NUP93: variants seen among roughly 807,000 people sequenced by gnomAD.
The protein encoded by NUP93 is nucleoporin 93.
NUP93 carries 55 observed loss-of-function variants against 107.8 expected under a neutral mutation model. The ratio of observed to expected loss-of-function variants is 0.51; its 90% CI spans 0.41 to 0.64. The LOEUF (loss-of-function observed/expected upper bound fraction) is 0.64. Ranked by LOEUF, NUP93 falls within the 30% of genes least tolerant of loss-of-function variation. NUP93 has a pLI of 0.00. For synonymous variants in NUP93, 390 were observed against 397.5 expected (o/e 0.98, Z 0.22); for missense variants, 937 against 1,044.7 (o/e 0.90, Z 1.42).
rs1963801849 is a variant in NUP93, at chr16:56,832,007, G to A, written c.1251G>A (p.Lys417=). ...ADKTEDYLWL[K]LNQVCFDDDG... is the part of the protein sequence containing the mutation. ...AAACTGAGGATTACCTGTGGCTGAA[G>A]GTAGGCACTGTTTCCCCTGCCCACA... Residue 417 remains lysine (K), a splice_region_variant and synonymous_variant, in exon 11 of 22, where the codon AAG becomes AAA. Transcript: ENST00000308159. 6.2e-7 allele frequency: 1 copy of A among 1,614,016 alleles called. No homozygotes were observed. The highest frequency in any genetic ancestry group is 8.5e-7 in the Non-Finnish European group (1 of 1,179,970).
At chr16:56,759,547 A>G (rs547247240) in intron 3 of NUP93, among the ~76,000 whole-genome samples, 42 of 152,322 alleles carry the variant, frequency 2.8e-4, no homozygotes, top group African/African-American at 1.0e-3. Flanking sequence ...AGAACTATAG[A>G]TATTTTTCCT....
At chr16:56,844,406 G>A (rs1471060757) in intron 21 of NUP93, 93 bp from the exon 22 acceptor site, 2 of 660,686 alleles carry the variant, frequency 3.0e-6, no homozygotes, top group Non-Finnish European at 4.6e-6. Context: ...GGTAGAGGAT[G>A]GAAGAACATG....
At chr16:56,747,359 A>G (rs754181962) in intron 1 of NUP93, among the ~76,000 whole-genome samples, 6 of 152,162 alleles carry the variant, frequency 3.9e-5, no homozygotes, top group Non-Finnish European at 7.4e-5. Flanking sequence ...GGAGTTAAAA[A>G]CATTCTCTTG....
chr16:56,791,930 C>T (rs1295491939), intron 3 of NUP93, among the ~76,000 whole-genome samples: 1 of 152,198 alleles, frequency 6.6e-6, no homozygotes, highest in Non-Finnish European at 1.5e-5. Flanking sequence ...GACTGTGACT[C>T]ATACACACAT....
At chr16:56,796,488 T>G (rs149818023) in intron 3 of NUP93, among the ~76,000 whole-genome samples, 1 of 152,350 alleles carries the variant, frequency 6.6e-6, no homozygotes, top group African/African-American at 2.4e-5. Context: ...TTTCTCTGAA[T>G]GTATCCCTGT....
chr16:56,808,817 AATAC>A (rs1247787252), intron 5 of NUP93, among the ~76,000 whole-genome samples: 2 of 143,668 alleles, frequency 1.4e-5, no homozygotes, highest in African/African-American at 2.5e-5. Context: ...TATAAATATA[AATAC>A]ATATATAAAT....
At chr16:56,817,151 T>A (rs1383200787) in intron 5 of NUP93, among the ~76,000 whole-genome samples, 1 of 152,198 alleles carries the variant, frequency 6.6e-6, no homozygotes, top group Non-Finnish European at 1.5e-5. Context: ...AGATCAGAGC[T>A]GAGGGGACCT....
chr16:56,830,441 GGA>G (rs1963757123), intron 9 of NUP93, 85 bp from the exon 10 acceptor site: 7 of 1,283,996 alleles, frequency 5.5e-6, no homozygotes, highest in Non-Finnish European at 7.4e-6. Flanking sequence ...ATATTATAAA[GGA>G]GAGGGGCTTA....
intron 3 of NUP93, among the ~76,000 whole-genome samples, chr16:56,760,768 T>C (rs1278012806): frequency 6.6e-6 from 1 of 152,130 alleles, no homozygotes; most frequent in African/African-American, 2.4e-5. Flanking sequence ...GTATTCAAAC[T>C]ACGTTACTCT....
intron 3 of NUP93, among the ~76,000 whole-genome samples, chr16:56,777,301 A>C (rs1336800849): frequency 6.6e-6 from 1 of 152,124 alleles, no homozygotes; most frequent in African/African-American, 2.4e-5. Flanking sequence ...TATCTGGCCC[A>C]CTTATAAACC....
chr16:56,844,654 T>C lies in NUP93; in HGVS notation c.*45T>C. 1 of 1,285,196 alleles carries C rather than the reference T, an allele frequency of 7.8e-7. No individual in the cohort carries two copies. Among genetic ancestry groups the C allele is most frequent in the Non-Finnish European group, 1.1e-6 (1 of 914,726 alleles). The allele number at this position is 1,285,196 out of a possible 1,614,324, so 79.6% of individuals were successfully genotyped here. A position where few individuals can be genotyped will look rare whatever the true frequency, so the allele number is the denominator to read the frequency against. ...TCTGGGTCGGCACACTGTCAGTACATCAGGCACATGGGCCCACTAGGCTGG... is the reference window on the plus strand; with the variant it reads ...TCTGGGTCGGCACACTGTCAGTACACCAGGCACATGGGCCCACTAGGCTGG... On this transcript the variant is annotated 3_prime_UTR_variant, in exon 22 of 22. Transcript: ENST00000308159.
intron 3 of NUP93, among the ~76,000 whole-genome samples, chr16:56,771,410 T>C (rs1223835078): frequency 1.3e-5 from 2 of 152,158 alleles, no homozygotes; most frequent in Non-Finnish European, 2.9e-5. Flanking sequence ...TCTTATGCCT[T>C]GCTGAGGAAG....
At chr16:56,779,727 A>C (rs1421209170) in intron 3 of NUP93, among the ~76,000 whole-genome samples, 1 of 152,148 alleles carries the variant, frequency 6.6e-6, no homozygotes, top group Non-Finnish European at 1.5e-5. Flanking sequence ...GCTGATTTAG[A>C]ATTTATTCTA....
At chr16:56,769,414 G>C (rs978149435) in intron 3 of NUP93, among the ~76,000 whole-genome samples, 1 of 152,114 alleles carries the variant, frequency 6.6e-6, no homozygotes, top group East Asian at 1.9e-4. Flanking sequence ...GAACTCTTGC[G>C]GAGCGTTGGG....
intron 1 of NUP93, among the ~76,000 whole-genome samples, chr16:56,732,015 C>G (rs1162654149): frequency 2.0e-5 from 3 of 152,178 alleles, no homozygotes; most frequent in Admixed American, 6.5e-5. Flanking sequence ...GTCTCATTTT[C>G]TGCTCCCTCC....
chr16:56,735,185 G>A (rs1190700815), intron 1 of NUP93, among the ~76,000 whole-genome samples: 1 of 152,218 alleles, frequency 6.6e-6, no homozygotes. Context: ...TGAGTTGGTG[G>A]TAATAATGAT....
intron 5 of NUP93, among the ~76,000 whole-genome samples, chr16:56,817,947 C>T (rs1007995508): frequency 2.6e-5 from 4 of 152,164 alleles, no homozygotes; most frequent in Non-Finnish European, 2.9e-5. Flanking sequence ...CCTAATGATG[C>T]ATTTCTCAGA....
At chr16:56,797,107 T>G (rs2144554560) in intron 3 of NUP93, among the ~76,000 whole-genome samples, 1 of 152,020 alleles carries the variant, frequency 6.6e-6, no homozygotes, top group South Asian at 2.1e-4. Context: ...CTGTCTCTAC[T>G]AAAAATACAA....
intron 21 of NUP93, 42 bp downstream of exon 21, chr16:56,841,875 C>A (rs139515234): frequency 1.9e-6 from 3 of 1,609,520 alleles, no homozygotes; most frequent in Non-Finnish European, 1.7e-6. Flanking sequence ...TAAGCACCAC[C>A]TTTCTGGTTT....
Sources: allele counts gnomAD v4.1 joint callset (sites outside exome capture counted in the v4.1 genomes callset), GRCh38; gene constraint gnomAD v4.1.1; transcripts MANE v1.5; gene names NCBI Gene and HGNC (gene_info 2026-07-23, HGNC 2026-07-21).